Variants in ABCG5 observed in about 807,000 individuals in gnomAD.
ABCG5 encodes the protein ATP-binding cassette sub-family G member 5.
ABCG5 carries 64 observed loss-of-function variants against 64.5 expected under a neutral mutation model. That is an observed-to-expected ratio of 0.99 (90% CI 0.81 to 1.22). The LOEUF is 1.22. Among genes scored for constraint, ABCG5 ranks in the 50% most tolerant of loss-of-function variants. The pLI is 0.00. For missense variants in ABCG5, 908 were observed against 829.5 expected (o/e 1.09, Z -1.16); for synonymous variants, 385 against 326.3 (o/e 1.18, Z -1.94).
At chr2:43,832,929 C>T (rs1015113628) in intron 2 of ABCG5, among the ~76,000 whole-genome samples, 2 of 152,164 alleles carry the variant, frequency 1.3e-5, no homozygotes, top group Non-Finnish European at 2.9e-5. Context: ...CCTGCCTCAG[C>T]CTCCTGAGTA....
At chr2:43,822,696 C>G (rs1667310698) in intron 10 of ABCG5, 101 bp downstream of exon 10, 1 of 1,490,630 alleles carries the variant, frequency 6.7e-7, no homozygotes, top group South Asian at 1.4e-5. Context: ...TGTAGATCCT[C>G]CAGAGCAGAG....
intron 4 of ABCG5, among the ~76,000 whole-genome samples, chr2:43,830,222 A>C (rs1667879077): frequency 6.6e-6 from 1 of 152,240 alleles, no homozygotes; most frequent in South Asian, 2.1e-4. Context: ...TTTGGAAACA[A>C]ATTTTGGAAA....
rs143508969 is a variant in ABCG5, at chr2:43,822,824, G to A, written c.1436C>T (p.Thr479Ile). ...LHVLPFSVVATMIFSSVCYWT... is the reference protein window; with the variant it reads ...LHVLPFSVVAIMIFSSVCYWT... Reference sequence around the variant, plus strand: ...GTAGCACACACTGCTGAAAATCATGGTGGCAACAACGCTGAAGGGGAGGAC... The same window carrying A: ...GTAGCACACACTGCTGAAAATCATGATGGCAACAACGCTGAAGGGGAGGAC... Residue 479 changes from threonine (T) to isoleucine (I), a missense_variant, in exon 10 of 13, where the codon ACC becomes ATC. Thr to Ile is a moderately conservative substitution (Grantham distance 89). Coordinates refer to ENST00000405322, the MANE Select transcript of ABCG5 (RefSeq NM_022436.3). The A allele has an allele frequency of 1.2e-5, 19 of 1,614,066 alleles. No individual in the cohort carries two copies. The highest frequency in any genetic ancestry group is 1.5e-5 in the Non-Finnish European group (18 of 1,180,042).
At chr2:43,837,793 TC>T (rs1558779237) in intron 2 of ABCG5, 40 bp downstream of exon 2, 6 of 1,612,410 alleles carry the variant, frequency 3.7e-6, no homozygotes, top group Middle Eastern at 3.3e-4. Context: ...GGAGTTTAAC[TC>T]AAGCCAAATC....
the ABCG5 span, among the ~76,000 whole-genome samples, chr2:43,807,389 A>C: frequency 6.6e-6 from 1 of 152,116 alleles, no homozygotes; most frequent in Admixed American, 6.5e-5. Context: ...TCCCGATTTT[A>C]AGGGAATGCG....
At chr2:43,827,415 T>C (rs1667686625) in intron 5 of ABCG5, among the ~76,000 whole-genome samples, 2 of 151,860 alleles carry the variant, frequency 1.3e-5, no homozygotes, top group African/African-American at 4.8e-5. Flanking sequence ...GAACAGGCCG[T>C]CCTGGTCTAC....
downstream of ABCG5, chr2:43,812,373 A>G (rs960321489): frequency 7.0e-6 from 1 of 141,876 alleles, no homozygotes; most frequent in Non-Finnish European, 1.5e-5. Flanking sequence ...GTTTTAGGGT[A>G]CATGTGCACA....
intron 5 of ABCG5, among the ~76,000 whole-genome samples, chr2:43,826,753 A>G (rs1667632985): frequency 6.6e-6 from 1 of 152,236 alleles, no homozygotes; most frequent in Admixed American, 6.5e-5. Context: ...TCCAGGGCAC[A>G]GGGAGTAAGG....
chr2:43,822,473 CCCAGG>C, intron 10 of ABCG5: 5 of 671,864 alleles, frequency 7.4e-6, no homozygotes, highest in Non-Finnish European at 8.8e-6. Context: ...TCTCCCCTCC[CCCAGG>C]CCCCCCCCCA....
intron 2 of ABCG5, among the ~76,000 whole-genome samples, chr2:43,837,347 C>T (rs549174950): frequency 1.3e-5 from 2 of 152,206 alleles, no homozygotes; most frequent in East Asian, 3.9e-4. Flanking sequence ...TCTCGAACTC[C>T]TGGGCTCAAG....
intron 10 of ABCG5, 104 bp downstream of exon 10, chr2:43,822,693 C>A: frequency 1.3e-6 from 2 of 1,572,366 alleles, no homozygotes; most frequent in Non-Finnish European, 1.7e-6. Flanking sequence ...AAGTGTAGAT[C>A]CTCCAGAGCA....
intron 3 of ABCG5, 26 bp downstream of exon 3, chr2:43,831,921 G>GGGGGC: frequency 6.5e-7 from 1 of 1,526,790 alleles, no homozygotes; most frequent in Non-Finnish European, 8.8e-7. Flanking sequence ...GGGCGGGGGG[G>GGGGGC]CCAGGGGTGT....
chr2:43,823,376 T>G (rs1042791505), intron 9 of ABCG5, among the ~76,000 whole-genome samples: 3 of 148,948 alleles, frequency 2.0e-5, no homozygotes, highest in African/African-American at 5.0e-5. Context: ...GCCCCTCATG[T>G]CAAGCTCTAG....
chr2:43,814,869 AAC>A (rs1666716178), intron 11 of ABCG5, among the ~76,000 whole-genome samples: 1 of 152,172 alleles, frequency 6.6e-6, no homozygotes, highest in African/African-American at 2.4e-5. Flanking sequence ...GCTCTTTCCT[AAC>A]TTACTCTTTT....
chr2:43,809,351 C>T (rs1009993936), downstream of ABCG5, among the ~76,000 whole-genome samples: 4 of 152,094 alleles, frequency 2.6e-5, no homozygotes, highest in Admixed American at 2.0e-4. Flanking sequence ...TAGAGCTGAA[C>T]AGCAAACAAT....
downstream of ABCG5, among the ~76,000 whole-genome samples, chr2:43,810,818 T>C (rs1426160059): frequency 6.6e-6 from 1 of 152,206 alleles, no homozygotes; most frequent in Admixed American, 6.5e-5. Flanking sequence ...CCTTTAAATT[T>C]ACAGTGAACA....
At chr2:43,816,557 T>G (rs981717387) in intron 11 of ABCG5, among the ~76,000 whole-genome samples, 1 of 152,188 alleles carries the variant, frequency 6.6e-6, no homozygotes, top group Non-Finnish European at 1.5e-5. Flanking sequence ...GTCTTTTTTA[T>G]TTTTTGAACG....
Position 43,824,937 on chromosome 2 carries a change from C to T in ABCG5, c.856G>A (p.Asp286Asn). Reference sequence around the variant, plus strand: ...TGTTCAGGACAAGGGTAACCGCAGTCATTGAAGAAATCAAGCATTTCCGCT... The same window carrying T: ...TGTTCAGGACAAGGGTAACCGCAGTTATTGAAGAAATCAAGCATTTCCGCT... ...TPAEMLDFFNDCGYPCPEHSN... is the reference protein window; with the variant it reads ...TPAEMLDFFNNCGYPCPEHSN... The change falls in exon 7 of 13, where the codon GAC becomes AAC. Residue 286 changes from aspartate (D) to asparagine (N), a missense_variant. Coordinates refer to ENST00000405322, the MANE Select transcript of ABCG5 (RefSeq NM_022436.3). 3 of 1,614,000 alleles carry T rather than the reference C, an allele frequency of 1.9e-6. No individual in the cohort carries two copies. The highest frequency in any genetic ancestry group is 2.5e-6 in the Non-Finnish European group (3 of 1,179,978).
chr2:43,809,345 G>C (rs757637758), downstream of ABCG5, among the ~76,000 whole-genome samples: 3 of 152,084 alleles, frequency 2.0e-5, no homozygotes, highest in Non-Finnish European at 4.4e-5. Context: ...TTTGATTAGA[G>C]CTGAACAGCA....
Sources: allele counts gnomAD v4.1 joint callset (sites outside exome capture counted in the v4.1 genomes callset), GRCh38; gene constraint gnomAD v4.1.1; transcripts MANE v1.5; gene names NCBI Gene and HGNC (gene_info 2026-07-23, HGNC 2026-07-21).